The following USP25 variants were observed in gnomAD, a reference collection of about 807,000 sequenced individuals.
USP25 encodes the protein ubiquitin specific peptidase 25, also known as ubiquitin carboxyl-terminal hydrolase 25.
USP25 carries 85 observed loss-of-function variants against 158.5 expected under a neutral mutation model. The ratio of observed to expected loss-of-function variants is 0.54; its 90% confidence interval spans 0.45 to 0.64. The LOEUF (loss-of-function observed/expected upper bound fraction) is 0.64. Ranked by LOEUF, USP25 falls within the 30% of genes least tolerant of loss-of-function variation. The pLI is 0.00. For missense variants in USP25, 1,242 were observed against 1,327.3 expected, an observed-to-expected ratio of 0.94 and a Z score of 1.00; for synonymous variants, 464 against 460.4, an observed-to-expected ratio of 1.01 and a Z score of -0.10.
At chr21:15,768,130 G>A (rs1006427344) in intron 3 of USP25, among the ~76,000 whole-genome samples, 1 of 152,192 alleles carries the variant, frequency 6.6e-6, no homozygotes, top group Middle Eastern at 3.4e-3. Context: ...GTAGAGAAAT[G>A]AAGTTTCTGA....
At chr21:15,735,322 T>G (rs2031381550) in intron 1 of USP25, among the ~76,000 whole-genome samples, 4 of 152,230 alleles carry the variant, frequency 2.6e-5, no homozygotes, top group Admixed American at 2.6e-4. Context: ...GCATCTGTAC[T>G]GAACATGTAC....
chr21:15,862,654 A>G (rs960273699), intron 20 of USP25, among the ~76,000 whole-genome samples: 5 of 150,308 alleles, frequency 3.3e-5, no homozygotes, highest in Non-Finnish European at 5.9e-5. Context: ...ACCTAGGCAC[A>G]CAGTAAGCGT....
intron 20 of USP25, 65 bp downstream of exon 20, chr21:15,849,937 A>G (rs2038806958): frequency 2.5e-6 from 3 of 1,207,826 alleles, no homozygotes; most frequent in Non-Finnish European, 3.4e-6. Context: ...AAAATATTTT[A>G]TTTCTTTGAA....
At chr21:15,750,181 CGTGT>C (rs367779613) in intron 1 of USP25, among the ~76,000 whole-genome samples, 10,099 of 126,912 alleles carry the variant, frequency 0.08, 470 homozygotes, top group East Asian at 0.092. Context: ...TCTCCAGTGC[CGTGT>C]GTGTGTGTGT....
chr21:15,764,284 A>G (rs1303911805), intron 2 of USP25, among the ~76,000 whole-genome samples: 2 of 149,120 alleles, frequency 1.3e-5, no homozygotes, highest in Admixed American at 6.7e-5. Context: ...ACCATAGCCT[A>G]TCACCTTGCC....
intron 1 of USP25, among the ~76,000 whole-genome samples, chr21:15,742,169 T>C (rs937756920): frequency 3.3e-5 from 5 of 151,888 alleles, no homozygotes; most frequent in African/African-American, 9.7e-5. Context: ...GGAATCTGAA[T>C]TGGAAAACCC....
chr21:15,827,451 C>T (rs2037567947), intron 14 of USP25, among the ~76,000 whole-genome samples: 1 of 152,132 alleles, frequency 6.6e-6, no homozygotes, highest in Non-Finnish European at 1.5e-5. Context: ...GCCTGATTTT[C>T]TAGTTTGCTG....
intron 1 of USP25, among the ~76,000 whole-genome samples, chr21:15,743,035 G>C (rs1293672157): frequency 6.6e-6 from 1 of 152,260 alleles, no homozygotes; most frequent in East Asian, 1.9e-4. Context: ...GGAGTCCCGA[G>C]GTCTGAGCCA....
At chr21:15,750,596 A>G (rs1268701417) in intron 1 of USP25, among the ~76,000 whole-genome samples, 2 of 151,178 alleles carry the variant, frequency 1.3e-5, no homozygotes, top group Non-Finnish European at 3.0e-5. Flanking sequence ...GTATATGGTT[A>G]ACTTTTTCCC....
chr21:15,870,223 G>A (rs1352471547), intron 23 of USP25, 76 bp downstream of exon 23: 2 of 957,684 alleles, frequency 2.1e-6, no homozygotes, highest in African/African-American at 3.4e-5. Flanking sequence ...CTCATCCATG[G>A]AAAAGATTTT....
chr21:15,763,716 A>G (rs546940481), intron 2 of USP25, among the ~76,000 whole-genome samples: 1 of 152,312 alleles, frequency 6.6e-6, no homozygotes, highest in East Asian at 1.9e-4. Context: ...TTTCAAGCCT[A>G]GAGTTCTTTA....
intron 1 of USP25, among the ~76,000 whole-genome samples, chr21:15,756,146 A>G (rs1440505652): frequency 2.0e-5 from 3 of 152,136 alleles, no homozygotes; most frequent in Non-Finnish European, 4.4e-5. Flanking sequence ...GTGCATGGCA[A>G]TTTTTAGTTT....
chr21:15,801,407 C>T (rs1293521474), intron 6 of USP25, among the ~76,000 whole-genome samples: 2 of 151,360 alleles, frequency 1.3e-5, no homozygotes, highest in Non-Finnish European at 3.0e-5. Context: ...TCCAGGTGTC[C>T]CTTTAGCTTA....
At chr21:15,849,683 A>C in intron 19 of USP25, 94 bp from the exon 20 acceptor site, 1 of 971,750 alleles carries the variant, frequency 1.0e-6, no homozygotes, top group Non-Finnish European at 1.5e-6. Flanking sequence ...CATTTGATTT[A>C]TAAATATGGA....
intron 20 of USP25, among the ~76,000 whole-genome samples, chr21:15,851,527 C>T (rs185464102): frequency 4.7e-5 from 7 of 150,512 alleles, no homozygotes; most frequent in Non-Finnish European, 7.4e-5. Context: ...CACACACACA[C>T]GTAAAATCTT....
At position 15,791,629 on chromosome 21, in the gene USP25, G is replaced by A; in HGVS notation, c.520G>A (p.Val174Ile). Reference sequence around the variant, plus strand: ...CAAAGCTCCCGTTGGGCTAAAGAATGTTGGCAATACTTGTTGGTTTAGTGC... The same window carrying A: ...CAAAGCTCCCGTTGGGCTAAAGAATATTGGCAATACTTGTTGGTTTAGTGC... ...QDKAPVGLKN[V>I]GNTCWFSAVI... is the part of the protein sequence containing the mutation. Residue 174 changes from valine (V) to isoleucine (I), a missense_variant, in exon 5 of 26, where the codon GTT (valine) becomes ATT (isoleucine). By Grantham distance (29) the Val-to-Ile change is conservative. This residue lies in a region of USP25 where 627 missense variants were observed against 701.4 expected (regional missense o/e 0.89). Coordinates refer to ENST00000400183, the MANE Select transcript of USP25 (RefSeq NM_001283041.3). The A allele has an allele frequency of 1.9e-6, 3 of 1,610,972 alleles. No homozygotes were observed. Among genetic ancestry groups the A allele is most frequent in the Non-Finnish European group, 2.5e-6 (3 of 1,178,084 alleles).
intron 1 of USP25, among the ~76,000 whole-genome samples, chr21:15,751,863 G>A (rs944192331): frequency 2.6e-5 from 4 of 152,174 alleles, no homozygotes; most frequent in African/African-American, 4.8e-5. Flanking sequence ...AATACATTTA[G>A]AGTTTCTACT....
At chr21:15,778,536 C>T (rs775041950) in intron 4 of USP25, among the ~76,000 whole-genome samples, 23 of 151,964 alleles carry the variant, frequency 1.5e-4, no homozygotes, top group Non-Finnish European at 3.2e-4. Flanking sequence ...TTTGTCCTCT[C>T]GGCTGTGGTT....
intron 4 of USP25, among the ~76,000 whole-genome samples, chr21:15,787,107 A>G (rs571578108): frequency 1.3e-5 from 2 of 152,154 alleles, no homozygotes; most frequent in African/African-American, 4.8e-5. Flanking sequence ...AAAGAAATAT[A>G]AGACACAAAC....
Sources: allele counts gnomAD v4.1 joint callset (sites outside exome capture counted in the v4.1 genomes callset), GRCh38; gene constraint gnomAD v4.1.1; regional missense constraint gnomAD v4.1.1; transcripts MANE v1.5; gene names NCBI Gene and HGNC (gene_info 2026-07-23, HGNC 2026-07-21).